CLSTN2: variants seen among roughly 807,000 people sequenced by gnomAD.
The protein encoded by CLSTN2 is calsyntenin 2.
A neutral mutation model predicts 101.2 loss-of-function variants in CLSTN2; 48 were observed. The observed-to-expected ratio is 0.47, with a 90% CI of 0.38 to 0.60. The LOEUF (loss-of-function observed/expected upper bound fraction) is 0.60. CLSTN2 is among the 20% of genes least tolerant of loss of function. The probability of loss-of-function intolerance (pLI) is 0.00; values close to 1 mark genes in which losing one functional copy is unlikely to be tolerated. For synonymous variants in CLSTN2, 481 were observed against 463.6 expected (o/e 1.04, Z -0.48); for missense variants, 1,160 against 1,238.2 (o/e 0.94, Z 0.95).
At chr3:140,293,532 A>G (rs867053893) in intron 2 of CLSTN2, among the ~76,000 whole-genome samples, 1 of 152,182 alleles carries the variant, frequency 6.6e-6, no homozygotes. Context: ...GGAATGTCCC[A>G]TGATGATCAT....
At chr3:140,434,735 C>T (rs985522347) in intron 5 of CLSTN2, among the ~76,000 whole-genome samples, 1 of 152,186 alleles carries the variant, frequency 6.6e-6, no homozygotes, top group Admixed American at 6.5e-5. Flanking sequence ...TCCGTCCACT[C>T]TTCTGTCAAC....
At chr3:140,323,548 T>C (rs2087304290) in intron 2 of CLSTN2, among the ~76,000 whole-genome samples, 2 of 152,186 alleles carry the variant, frequency 1.3e-5, no homozygotes, top group Non-Finnish European at 2.9e-5. Context: ...CAGACAAATA[T>C]GGATTAAAAT....
chr3:140,547,260 G>C (rs1025058858), intron 10 of CLSTN2, among the ~76,000 whole-genome samples: 1 of 151,812 alleles, frequency 6.6e-6, no homozygotes, highest in Non-Finnish European at 1.5e-5. Context: ...TGGATCACAA[G>C]GTCAGTAGTT....
chr3:140,234,302 G>T (rs1198871543), intron 2 of CLSTN2, among the ~76,000 whole-genome samples: 1 of 152,216 alleles, frequency 6.6e-6, no homozygotes, highest in Non-Finnish European at 1.5e-5. Context: ...TGCTGCCGCA[G>T]CTGCTGCTGT....
At chr3:140,286,048 A>G (rs2086892970) in intron 2 of CLSTN2, among the ~76,000 whole-genome samples, 1 of 152,164 alleles carries the variant, frequency 6.6e-6, no homozygotes, top group South Asian at 2.1e-4. Flanking sequence ...GTTAGGCTCT[A>G]AGATGAGCTA....
At chr3:140,125,747 C>G (rs1044683776) in intron 1 of CLSTN2, among the ~76,000 whole-genome samples, 1 of 152,110 alleles carries the variant, frequency 6.6e-6, no homozygotes, top group Admixed American at 6.6e-5. Flanking sequence ...GTTCTCCAGA[C>G]ACTTTTATGT....
At position 140,296,897 on chromosome 3, in the gene CLSTN2, C is replaced by T. The variant is rs377697941; in HGVS notation, c.233-106732C>T. Among the ~76,000 whole-genome samples the T allele has an allele frequency of 2.7e-3, 416 of 152,298 alleles. 3 individuals carry two copies. Among genetic ancestry groups the T allele is most frequent in the African/African-American group, 9.4e-3 (392 of 41,570 alleles). The stretch of plus-strand genomic sequence containing the variant: ...TGAGCTCCAGGAGGATAAACAAGAA[C>T]GAGCTGGGGCTAAGCCAGCAGGAGT... On this transcript the variant is annotated intron_variant, in intron 2 of 16. Transcript: ENST00000458420.
chr3:140,377,863 T>C (rs2087933736), intron 2 of CLSTN2, among the ~76,000 whole-genome samples: 1 of 152,186 alleles, frequency 6.6e-6, no homozygotes, highest in Admixed American at 6.5e-5. Context: ...TGGGGTTTCA[T>C]ATTCACTCAC....
intron 1 of CLSTN2, among the ~76,000 whole-genome samples, chr3:139,946,122 T>TTCAAAAATACTGAAA (rs2107808405): frequency 6.6e-6 from 1 of 152,286 alleles, no homozygotes; most frequent in African/African-American, 2.4e-5. Context: ...AATGAAACCC[T>TTCAAAAATACTGAAA]TCAAAAATAC....
intron 1 of CLSTN2, among the ~76,000 whole-genome samples, chr3:140,108,121 C>A (rs1031450621): frequency 2.6e-5 from 4 of 152,188 alleles, no homozygotes; most frequent in African/African-American, 9.6e-5. Flanking sequence ...CTTTTTCAGA[C>A]AGCATCTTCT....
At chr3:140,481,938 A>C (rs1235828449) in intron 8 of CLSTN2, among the ~76,000 whole-genome samples, 2 of 152,076 alleles carry the variant, frequency 1.3e-5, no homozygotes, top group Non-Finnish European at 2.9e-5. Context: ...AATACCCTTT[A>C]TTTCTTTCTC....
At chr3:140,212,187 A>G (rs973610841) in intron 2 of CLSTN2, among the ~76,000 whole-genome samples, 1 of 152,198 alleles carries the variant, frequency 6.6e-6, no homozygotes, top group African/African-American at 2.4e-5. Context: ...CTGAATGAGC[A>G]GTCATTTACA....
chr3:140,273,386 A>G (rs1474861457), intron 2 of CLSTN2, among the ~76,000 whole-genome samples: 2 of 152,126 alleles, frequency 1.3e-5, no homozygotes, highest in African/African-American at 4.8e-5. Context: ...ATAAGAATAT[A>G]TATATTTACC....
intron 2 of CLSTN2, among the ~76,000 whole-genome samples, chr3:140,289,921 G>A (rs114912796): frequency 6.6e-6 from 1 of 151,372 alleles, no homozygotes; most frequent in African/African-American, 2.4e-5. Context: ...TGAGTCAGGT[G>A]AAATTCTGTT....
intron 2 of CLSTN2, among the ~76,000 whole-genome samples, chr3:140,369,107 G>A (rs960882197): frequency 3.3e-5 from 5 of 152,154 alleles, no homozygotes; most frequent in African/African-American, 9.7e-5. Context: ...CCCACCTCAA[G>A]TAGAGGTTCA....
intron 1 of CLSTN2, among the ~76,000 whole-genome samples, chr3:140,054,944 A>G (rs4683793): frequency 0.091 from 13,859 of 152,242 alleles, 745 homozygotes; most frequent in East Asian, 0.17. Context: ...ATTTCCACCC[A>G]ACTTCTCAGA....
intron 1 of CLSTN2, among the ~76,000 whole-genome samples, chr3:139,938,693 T>C (rs1348690057): frequency 6.6e-6 from 1 of 152,186 alleles, no homozygotes; most frequent in Non-Finnish European, 1.5e-5. Flanking sequence ...GACAATGCAA[T>C]CTAGACAACA....
chr3:140,540,766 A>G (rs150729855), intron 9 of CLSTN2, among the ~76,000 whole-genome samples: 143 of 152,336 alleles, frequency 9.4e-4, no homozygotes, highest in African/African-American at 3.3e-3. Flanking sequence ...TTCACACTAC[A>G]TAGATGCGTG....
chr3:140,371,427 T>G (rs940949674), intron 2 of CLSTN2, among the ~76,000 whole-genome samples: 5 of 152,148 alleles, frequency 3.3e-5, no homozygotes, highest in African/African-American at 7.2e-5. Flanking sequence ...CTGACCATGT[T>G]GTTACAGTAG....
Sources: gnomAD v4.1 joint callset for allele counts (sites outside exome capture counted in the v4.1 genomes callset) on GRCh38, gnomAD v4.1.1 for gene constraint, MANE v1.5 for transcripts, NCBI Gene and HGNC (gene_info 2026-07-23, HGNC 2026-07-21) for gene names.